The following WWOX variants were observed in gnomAD, a reference collection of about 807,000 sequenced individuals.
The protein encoded by WWOX is WW domain containing oxidoreductase, also known as WW domain-containing oxidoreductase.
In WWOX, 69 loss-of-function variants were observed where a neutral mutation model predicts 46.2. The observed-to-expected ratio is 1.49, with a 90% confidence interval of 1.23 to 1.82. The LOEUF is 1.82. Ranked by LOEUF, WWOX falls within the 40% of genes most tolerant of loss-of-function variation. The pLI, the probability that WWOX is intolerant of heterozygous loss-of-function variation, is 0.00. For synonymous variants in WWOX, 359 were observed against 202.6 expected (o/e 1.77, Z -6.56); for missense variants, 919 against 542.6 (o/e 1.69, Z -6.89).
chr16:78,866,548 T>C (rs187669114), intron 8 of WWOX, among the ~76,000 whole-genome samples: 1 of 152,152 alleles, frequency 6.6e-6, no homozygotes, highest in African/African-American at 2.4e-5. Flanking sequence ...TAAAAGCTAA[T>C]GTACCACACG....
intron 5 of WWOX, among the ~76,000 whole-genome samples, chr16:78,179,323 G>T (rs1405870166): frequency 6.6e-6 from 1 of 152,158 alleles, no homozygotes; most frequent in African/African-American, 2.4e-5. Context: ...AAGAGTTATG[G>T]ATTAACAGAT....
At chr16:78,248,041 G>C (rs1212590148) in intron 5 of WWOX, among the ~76,000 whole-genome samples, 1 of 152,184 alleles carries the variant, frequency 6.6e-6, no homozygotes, top group Non-Finnish European at 1.5e-5. Flanking sequence ...GTGTTGGCAT[G>C]AGCTGGGCAG....
chr16:78,894,167 T>C (rs761251189), intron 8 of WWOX, among the ~76,000 whole-genome samples: 5 of 152,148 alleles, frequency 3.3e-5, no homozygotes, highest in Non-Finnish European at 5.9e-5. Flanking sequence ...GCCTCCTGAA[T>C]AGCTGGAGCT....
intron 5 of WWOX, among the ~76,000 whole-genome samples, chr16:78,335,520 T>C (rs1009674163): frequency 3.9e-5 from 6 of 152,188 alleles, no homozygotes; most frequent in Non-Finnish European, 4.4e-5. Flanking sequence ...CTTCATCCTA[T>C]CATTTATGAG....
At chr16:78,660,259 C>T (rs992125137) in intron 8 of WWOX, among the ~76,000 whole-genome samples, 4 of 152,114 alleles carry the variant, frequency 2.6e-5, no homozygotes, top group African/African-American at 9.7e-5. Flanking sequence ...TAGATGCGGA[C>T]TGGCCACTGT....
rs1567501240 is a variant in WWOX at position 79,031,905 on chromosome 16, T to TAGATAG, written c.1057-179702_1057-179701insGATAGA. Among the ~76,000 whole-genome samples, 94 of 51,340 alleles carry TAGATAG rather than the reference T, an allele frequency of 1.8e-3. 3 individuals carry two copies. The highest frequency in any genetic ancestry group is 6.1e-3 in the East Asian group (4 of 652). The allele number at this position is 51,340 out of a possible 152,430, so 33.7% of individuals were successfully genotyped here. ...AGATATCTGTATACAGATATCTATA[T>TAGATAG]ATATAGATATCTATATATATAGATA... is the stretch of plus-strand genomic sequence containing the variant. On this transcript the variant is annotated intron_variant, in intron 8 of 8. Transcript: ENST00000566780.
intron 8 of WWOX, among the ~76,000 whole-genome samples, chr16:79,120,125 GGCAACCTTT>G (rs1184079586): frequency 8.5e-5 from 13 of 152,140 alleles, no homozygotes; most frequent in Non-Finnish European, 1.8e-4. Context: ...ACCTCCACCT[GGCAACCTTT>G]ATTTAATCCA....
At chr16:78,741,781 G>C (rs529972306) in intron 8 of WWOX, among the ~76,000 whole-genome samples, 9 of 152,138 alleles carry the variant, frequency 5.9e-5, no homozygotes, top group African/African-American at 2.2e-4. Flanking sequence ...CTTGAATCCA[G>C]GAGACGGAGG....
chr16:78,324,719 G>T (rs991741830), intron 5 of WWOX, among the ~76,000 whole-genome samples: 5 of 132,442 alleles, frequency 3.8e-5, no homozygotes, highest in Admixed American at 2.7e-4. Context: ...TCCGTTCTGT[G>T]ATATGTCCAG....
At chr16:78,980,647 T>C (rs2046662224) in intron 8 of WWOX, among the ~76,000 whole-genome samples, 1 of 152,198 alleles carries the variant, frequency 6.6e-6, no homozygotes, top group African/African-American at 2.4e-5. Context: ...TATTCCATAG[T>C]TGCAGGAACC....
intron 8 of WWOX, among the ~76,000 whole-genome samples, chr16:79,169,558 C>T (rs1016990733): frequency 1.3e-5 from 2 of 152,292 alleles, no homozygotes; most frequent in African/African-American, 2.4e-5. Context: ...TCCCCAGCAC[C>T]CAGAATCAAG....
intron 8 of WWOX, among the ~76,000 whole-genome samples, chr16:78,698,515 GTT>G (rs1306125539): frequency 2.0e-5 from 3 of 152,188 alleles, no homozygotes; most frequent in African/African-American, 7.2e-5. Flanking sequence ...TTTAGCAGTC[GTT>G]TTGAGGAGAT....
chr16:78,524,260 G>A (rs1329496172), intron 8 of WWOX, among the ~76,000 whole-genome samples: 1 of 152,168 alleles, frequency 6.6e-6, no homozygotes, highest in Non-Finnish European at 1.5e-5. Context: ...AATATTAGAA[G>A]CAGACACAGC....
chr16:79,033,499 G>T (rs886812083), intron 8 of WWOX, among the ~76,000 whole-genome samples: 1 of 151,810 alleles, frequency 6.6e-6, no homozygotes, highest in Non-Finnish European at 1.5e-5. Context: ...CAGCAAAATC[G>T]AGTGGAAGGT....
At chr16:79,165,510 G>C (rs976479817) in intron 8 of WWOX, among the ~76,000 whole-genome samples, 2 of 152,152 alleles carry the variant, frequency 1.3e-5, no homozygotes, top group Non-Finnish European at 2.9e-5. Flanking sequence ...ACCTCCTTGG[G>C]ATGTTTATTC....
intron 5 of WWOX, among the ~76,000 whole-genome samples, chr16:78,254,131 C>T (rs903544080): frequency 5.3e-5 from 8 of 151,772 alleles, no homozygotes; most frequent in Non-Finnish European, 8.8e-5. Flanking sequence ...AGTGCAGTGG[C>T]GTGATCATGG....
intron 8 of WWOX, among the ~76,000 whole-genome samples, chr16:78,547,730 G>T (rs771157080): frequency 6.6e-6 from 1 of 152,054 alleles, no homozygotes; most frequent in South Asian, 2.1e-4. Context: ...TCCTCATATC[G>T]TGGGAGGGGC....
At chr16:79,107,513 G>A (rs1395168334) in intron 8 of WWOX, among the ~76,000 whole-genome samples, 1 of 152,232 alleles carries the variant, frequency 6.6e-6, no homozygotes, top group Non-Finnish European at 1.5e-5. Context: ...CCCAAGCACA[G>A]TGTGAAATGA....
chr16:79,165,924 A>C (rs1372772176), intron 8 of WWOX, among the ~76,000 whole-genome samples: 1 of 152,128 alleles, frequency 6.6e-6, no homozygotes, highest in Non-Finnish European at 1.5e-5. Flanking sequence ...CAACTCAATT[A>C]CCAGCCCTCT....
Sources: allele counts gnomAD v4.1 joint callset (sites outside exome capture counted in the v4.1 genomes callset), GRCh38; gene constraint gnomAD v4.1.1; transcripts MANE v1.5; gene names NCBI Gene and HGNC (gene_info 2026-07-23, HGNC 2026-07-21).